DOCK1: variants seen among roughly 807,000 people sequenced by gnomAD.
DOCK1 encodes the protein dedicator of cytokinesis 1.
A neutral mutation model predicts 262.7 loss-of-function variants in DOCK1; 138 were observed. The observed-to-expected ratio is 0.53, with a 90% CI of 0.46 to 0.61. DOCK1 has a LOEUF of 0.61. Ranked by LOEUF, DOCK1 falls within the 20% of genes least tolerant of loss-of-function variation. DOCK1 has a pLI of 0.00. For synonymous variants in DOCK1, 866 were observed against 867.4 expected (o/e 1.00, Z 0.03); for missense variants, 1,908 against 2,370.7 (o/e 0.80, Z 4.05).
chr10:127,433,024 TTGAAGAA>T (rs1209075727), intron 47 of DOCK1, among the ~76,000 whole-genome samples: 2 of 152,230 alleles, frequency 1.3e-5, no homozygotes, highest in Non-Finnish European at 2.9e-5. Flanking sequence ...ATCGCGGTCT[TTGAAGAA>T]AACTTGCACT....
intron 23 of DOCK1, among the ~76,000 whole-genome samples, chr10:127,093,336 T>A (rs1451932553): frequency 6.9e-6 from 1 of 144,722 alleles, no homozygotes; most frequent in East Asian, 2.2e-4. Flanking sequence ...ACTTCCACCT[T>A]CCAGGCTCAA....
At chr10:127,330,173 A>C (rs1055679716) in intron 29 of DOCK1, among the ~76,000 whole-genome samples, 1 of 152,162 alleles carries the variant, frequency 6.6e-6, no homozygotes, top group African/African-American at 2.4e-5. Context: ...CCGACTCCCC[A>C]CCAAAAGAAA....
chr10:127,250,186 C>T (rs2498935), intron 28 of DOCK1, among the ~76,000 whole-genome samples: 19,646 of 152,198 alleles, frequency 0.13, 1,352 homozygotes, highest in East Asian at 0.19. Flanking sequence ...AAAGTCAGGA[C>T]TCCAATTAGT....
At chr10:126,962,793 A>G (rs1192683571) in intron 1 of DOCK1, among the ~76,000 whole-genome samples, 3 of 152,186 alleles carry the variant, frequency 2.0e-5, no homozygotes, top group Admixed American at 2.0e-4. Flanking sequence ...ATATCCAGTA[A>G]ATCATTGCCA....
intron 47 of DOCK1, among the ~76,000 whole-genome samples, chr10:127,431,552 A>C (rs1373205518): frequency 6.6e-6 from 1 of 152,224 alleles, no homozygotes; most frequent in African/African-American, 2.4e-5. Flanking sequence ...CAGAGTAATT[A>C]CAGTGAACAT....
At chr10:127,182,042 G>A (rs919315089) in intron 27 of DOCK1, among the ~76,000 whole-genome samples, 3 of 152,154 alleles carry the variant, frequency 2.0e-5, no homozygotes, top group African/African-American at 7.2e-5. Context: ...AGACACCCTT[G>A]TGTGACTGAG....
rs968604499 is a variant in DOCK1 at position 127,380,109 on chromosome 10, G to A, written c.3703G>A (p.Glu1235Lys). The A allele has an allele frequency of 6.6e-7, 1 of 1,518,564 alleles. No homozygotes were observed. The allele number at this position is 1,518,564 out of a possible 1,614,324, so 94.1% of individuals were successfully genotyped here. The part of the protein sequence containing the change: ...LNFYKEIERE[E>K]MYIRYLYKLC... Reference sequence around the variant, plus strand: ...TTTCTACAAAGAAATTGAAAGAGAAGAAATGTATATAAGGTATGTATGCAT... The same window carrying A: ...TTTCTACAAAGAAATTGAAAGAGAAAAAATGTATATAAGGTATGTATGCAT... Residue 1235 changes from glutamate (E) to lysine (K), a missense_variant, in exon 36 of 52, where the codon GAA (glutamate) becomes AAA (lysine). Glu to Lys is a moderately conservative substitution (Grantham distance 56, BLOSUM62 1). Around this residue, in one of 9 missense-constraint regions of DOCK1, gnomAD observed 267 missense variants for 366.3 expected, o/e 0.73. Transcript: ENST00000623213.
Position 127,061,674 on chromosome 10 carries a change from T to A in DOCK1, c.2343T>A (p.Tyr781Ter). The A allele has an allele frequency of 6.3e-7, 1 of 1,596,638 alleles. No homozygotes were observed. Among genetic ancestry groups the A allele is most frequent in the Non-Finnish European group, 8.5e-7 (1 of 1,171,402 alleles). ...VRSRILFNQL[Y>*]ENKGEADFVE... ...TTTGTGTGTTTCTTTGCAGACTGTATGAAAACAAGGGAGAGGCTGACTTCG... is the reference window on the plus strand; with the variant it reads ...TTTGTGTGTTTCTTTGCAGACTGTAAGAAAACAAGGGAGAGGCTGACTTCG... Residue 781 changes from tyrosine to a stop codon, truncating the protein, a stop_gained, in exon 23 of 52, where the codon TAT becomes TAA. Transcript: ENST00000623213. LOFTEE classifies it high-confidence loss of function.
intron 27 of DOCK1, among the ~76,000 whole-genome samples, chr10:127,149,417 C>T (rs2052254021): frequency 6.6e-6 from 1 of 152,162 alleles, no homozygotes; most frequent in Non-Finnish European, 1.5e-5. Context: ...TTCCCTAGTC[C>T]TCTATATTTC....
intron 33 of DOCK1, among the ~76,000 whole-genome samples, chr10:127,362,573 G>A (rs1590695121): frequency 6.6e-6 from 1 of 152,174 alleles, no homozygotes; most frequent in East Asian, 1.9e-4. Context: ...GCTGCTTATT[G>A]CAGAATTGTG....
chr10:127,179,363 G>A (rs912551896), intron 27 of DOCK1, among the ~76,000 whole-genome samples: 3 of 152,048 alleles, frequency 2.0e-5, no homozygotes, highest in African/African-American at 4.8e-5. Context: ...AAATCATTTC[G>A]TTGTTAGTAA....
intron 27 of DOCK1, among the ~76,000 whole-genome samples, chr10:127,190,024 C>T (rs2056601907): frequency 1.3e-5 from 2 of 152,154 alleles, no homozygotes; most frequent in African/African-American, 4.8e-5. Flanking sequence ...GGTGAAAACT[C>T]TTTTTAACCC....
rs560948920 is a variant in DOCK1, at chr10:127,388,042, G to A, written c.3927+3133G>A. 1.1e-4 allele frequency among the ~76,000 whole-genome samples: 16 copies of A among 152,284 alleles called. No individual in the cohort carries two copies. In the South Asian group the frequency reaches 3.3e-3, roughly 32 times the overall value. ...AAGAGAAGGTGCTGTTAACCCTCCA[G>A]CAGTGCACACATGGCCCCCACACCA... On this transcript the variant is annotated intron_variant, in intron 38 of 51. Transcript: ENST00000623213.
intron 1 of DOCK1, among the ~76,000 whole-genome samples, chr10:126,962,633 T>G (rs1452493817): frequency 6.6e-6 from 1 of 152,222 alleles, no homozygotes; most frequent in Non-Finnish European, 1.5e-5. Flanking sequence ...TACCATTCCC[T>G]TAACAGATAG....
At chr10:127,247,532 A>G (rs2059473342) in intron 27 of DOCK1, among the ~76,000 whole-genome samples, 1 of 152,206 alleles carries the variant, frequency 6.6e-6, no homozygotes, top group African/African-American at 2.4e-5. Flanking sequence ...CCAAGAGAGC[A>G]CAAAACAGAA....
chr10:127,430,477 G>T (rs1445490625), intron 47 of DOCK1, among the ~76,000 whole-genome samples: 1 of 152,180 alleles, frequency 6.6e-6, no homozygotes. Context: ...AGGGACCAGG[G>T]TTCTGTTTCA....
chr10:127,048,340 G>A (rs2044480566), intron 21 of DOCK1, among the ~76,000 whole-genome samples: 1 of 151,604 alleles, frequency 6.6e-6, no homozygotes, highest in Admixed American at 6.6e-5. Flanking sequence ...TTTATATTTT[G>A]TTGTCTGTTT....
At chr10:127,205,424 G>A (rs994171237) in intron 27 of DOCK1, among the ~76,000 whole-genome samples, 6 of 152,160 alleles carry the variant, frequency 3.9e-5, no homozygotes, top group African/African-American at 1.4e-4. Flanking sequence ...TGGGCGAGTT[G>A]CATGATGCAT....
At chr10:127,444,587 C>T (rs2070412328) in intron 50 of DOCK1, among the ~76,000 whole-genome samples, 1 of 152,172 alleles carries the variant, frequency 6.6e-6, no homozygotes, top group African/African-American at 2.4e-5. Context: ...TCCCAGGACG[C>T]AGAGCTGCAG....
Sources: allele counts gnomAD v4.1 joint callset (sites outside exome capture counted in the v4.1 genomes callset), GRCh38; gene constraint gnomAD v4.1.1; regional missense constraint gnomAD v4.1.1; transcripts MANE v1.5; gene names NCBI Gene and HGNC (gene_info 2026-07-23, HGNC 2026-07-21).